The following EAF2 variants were observed in gnomAD, a reference collection of about 807,000 sequenced individuals.
The protein encoded by EAF2 is ELL associated factor 2, also known as ELL-associated factor 2.
Under a neutral mutation model 29.4 loss-of-function variants are expected in EAF2, and 29 were observed. That is an observed-to-expected ratio of 0.99 (90% CI 0.73 to 1.35). EAF2 has a LOEUF of 1.35. EAF2 is among the 40% of genes most tolerant of loss of function. The probability of loss-of-function intolerance (pLI) is 0.00; values close to 1 mark genes in which losing one functional copy is unlikely to be tolerated. For missense variants in EAF2, 292 were observed against 312.0 expected, an observed-to-expected ratio of 0.94 and a Z score of 0.48; for synonymous variants, 103 against 102.5, an observed-to-expected ratio of 1.00 and a Z score of -0.03.
intron 1 of EAF2, 70 bp downstream of exon 1, chr3:121,835,461 T>A: frequency 1.4e-6 from 2 of 1,392,994 alleles, no homozygotes; most frequent in East Asian, 2.4e-5. Context: ...CAAACCCCTC[T>A]GGGTTTTGTT....
At position 121,857,930 on chromosome 3, in the gene EAF2, T is replaced by C. The variant is rs374587516; in HGVS notation, c.484+774T>C. Among the ~76,000 whole-genome samples, 5 of 152,238 alleles carry C rather than the reference T, an allele frequency of 3.3e-5. No homozygotes were observed. In the East Asian group the frequency reaches 9.6e-4, roughly 29 times the overall value. ...TGAGAACATGTGGTGTTTGGTTTTC[T>C]GTCCTTGCAGTAGTTTGCTCAGAAT... On this transcript the variant is annotated intron_variant, in intron 4 of 5. Transcript: ENST00000273668.
At chr3:121,880,761 G>A (rs1055237284) in intron 5 of EAF2, among the ~76,000 whole-genome samples, 5 of 151,932 alleles carry the variant, frequency 3.3e-5, no homozygotes, top group African/African-American at 1.2e-4. Flanking sequence ...CCAGTGCTGC[G>A]TTTAATAAGA....
At chr3:121,836,826 G>C in intron 1 of EAF2, 2 of 974,644 alleles carry the variant, frequency 2.1e-6, no homozygotes, top group Non-Finnish European at 1.2e-6. Flanking sequence ...AATTTTTCAA[G>C]TTACAAGGGC....
At chr3:121,869,729 A>G (rs890598651) in intron 4 of EAF2, among the ~76,000 whole-genome samples, 8 of 151,866 alleles carry the variant, frequency 5.3e-5, no homozygotes, top group Middle Eastern at 6.8e-3. Flanking sequence ...TTTTTTTTAG[A>G]TTACTCAGGC....
chr3:121,844,399 T>C (rs563011241), intron 1 of EAF2, 54 bp from the exon 2 acceptor site: 18 of 1,088,830 alleles, frequency 1.7e-5, no homozygotes, highest in Middle Eastern at 4.1e-4. Context: ...TCATAATTTT[T>C]ATATCCAAAT....
intron 2 of EAF2, among the ~76,000 whole-genome samples, chr3:121,848,689 C>A (rs1708575482): frequency 6.6e-6 from 1 of 151,960 alleles, no homozygotes; most frequent in Admixed American, 6.6e-5. Flanking sequence ...TGTGAAAAAT[C>A]GTGATACATA....
At chr3:121,879,907 G>C (rs1709164185) in intron 5 of EAF2, among the ~76,000 whole-genome samples, 1 of 151,638 alleles carries the variant, frequency 6.6e-6, no homozygotes, top group South Asian at 2.1e-4. Context: ...TGTTTTTTTT[G>C]TATCTGTGAA....
At chr3:121,837,083 T>TAATA (rs1301214219) in intron 1 of EAF2, among the ~76,000 whole-genome samples, 1 of 152,054 alleles carries the variant, frequency 6.6e-6, no homozygotes, top group Non-Finnish European at 1.5e-5. Context: ...ATAATGACAA[T>TAATA]AATAAATAAA....
chr3:121,852,089 T>G (rs1336814581), intron 2 of EAF2, among the ~76,000 whole-genome samples: 1 of 152,250 alleles, frequency 6.6e-6, no homozygotes. Context: ...ATTGTCTATA[T>G]TATTCATATT....
chr3:121,844,880 A>G (rs534386098), intron 2 of EAF2, among the ~76,000 whole-genome samples: 1 of 152,326 alleles, frequency 6.6e-6, no homozygotes, highest in African/African-American at 2.4e-5. Flanking sequence ...TTTATAGCAG[A>G]CAGACACATA....
intron 4 of EAF2, among the ~76,000 whole-genome samples, chr3:121,858,051 T>C (rs1051318582): frequency 1.3e-5 from 2 of 152,208 alleles, no homozygotes; most frequent in African/African-American, 4.8e-5. Context: ...TGCCACATTT[T>C]CTTAATCCAG....
chr3:121,865,002 A>G (rs1349959066), intron 4 of EAF2, among the ~76,000 whole-genome samples: 19 of 152,328 alleles, frequency 1.2e-4, no homozygotes, highest in Admixed American at 6.5e-5. Flanking sequence ...TAAACTTTAT[A>G]TAGTATTCTC....
chr3:121,876,011 G>A (rs921220127), intron 5 of EAF2, among the ~76,000 whole-genome samples: 2 of 151,906 alleles, frequency 1.3e-5, no homozygotes, highest in Non-Finnish European at 2.9e-5. Flanking sequence ...AGGAGATAGT[G>A]TAAAAACTTA....
intron 2 of EAF2, among the ~76,000 whole-genome samples, chr3:121,852,924 A>G (rs999890066): frequency 5.9e-5 from 9 of 152,320 alleles, no homozygotes; most frequent in Non-Finnish European, 1.2e-4. Context: ...AAATTCCTTC[A>G]GGTTTGATGG....
At chr3:121,853,649 A>G (rs756514334) in intron 2 of EAF2, among the ~76,000 whole-genome samples, 2 of 152,224 alleles carry the variant, frequency 1.3e-5, no homozygotes, top group Non-Finnish European at 2.9e-5. Context: ...TATCTGTCCT[A>G]GAGAATATAC....
chr3:121,848,301 A>G (rs1196595946), intron 2 of EAF2, among the ~76,000 whole-genome samples: 2 of 152,302 alleles, frequency 1.3e-5, no homozygotes, highest in Non-Finnish European at 2.9e-5. Flanking sequence ...CCATATTTAC[A>G]TTTTGATAGC....
chr3:121,886,079 A>T (rs1200296461), intron 5 of EAF2, among the ~76,000 whole-genome samples: 1 of 151,926 alleles, frequency 6.6e-6, no homozygotes, highest in Non-Finnish European at 1.5e-5. Flanking sequence ...TCAGTGATAT[A>T]AAAAAAAGAG....
At chr3:121,879,635 G>T (rs1214094864) in intron 5 of EAF2, among the ~76,000 whole-genome samples, 2 of 125,130 alleles carry the variant, frequency 1.6e-5, no homozygotes, top group Admixed American at 8.7e-5. Context: ...TTTTTTTAAG[G>T]ATAACCAGTT....
intron 4 of EAF2, among the ~76,000 whole-genome samples, chr3:121,870,521 A>G (rs1708993273): frequency 6.6e-6 from 1 of 152,174 alleles, no homozygotes; most frequent in Admixed American, 6.6e-5. Flanking sequence ...TGAGAAGGTT[A>G]CACTTAAACC....
Sources: gnomAD v4.1 joint callset for allele counts (sites outside exome capture counted in the v4.1 genomes callset) on GRCh38, gnomAD v4.1.1 for gene constraint, MANE v1.5 for transcripts, NCBI Gene and HGNC (gene_info 2026-07-23, HGNC 2026-07-21) for gene names.